Variants in MAGI2 observed in about 807,000 individuals in gnomAD.
MAGI2 encodes the protein membrane associated guanylate kinase, WW and PDZ domain containing 2.
In MAGI2, 35 loss-of-function variants were observed where a neutral mutation model predicts 133.3. That is an observed-to-expected ratio of 0.26 (90% CI 0.20 to 0.35). The LOEUF is 0.35. MAGI2 is among the 10% of genes least tolerant of loss of function. The pLI is 1.00. For synonymous variants in MAGI2, 729 were observed against 710.6 expected (o/e 1.03, Z -0.41); for missense variants, 1,636 against 1,863.4 (o/e 0.88, Z 2.25).
chr7:78,805,711 T>C (rs1199946591), intron 2 of MAGI2, among the ~76,000 whole-genome samples: 3 of 152,146 alleles, frequency 2.0e-5, no homozygotes, highest in Non-Finnish European at 4.4e-5. Context: ...TCATTCACTC[T>C]GGGAAAGCCA....
chr7:78,837,418 T>C (rs1791730929), intron 2 of MAGI2, among the ~76,000 whole-genome samples: 1 of 152,156 alleles, frequency 6.6e-6, no homozygotes, highest in Non-Finnish European at 1.5e-5. Flanking sequence ...GTTAATTAGA[T>C]GTATTGCTTT....
chr7:79,178,434 A>C (rs1218655174), intron 1 of MAGI2, among the ~76,000 whole-genome samples: 1 of 151,930 alleles, frequency 6.6e-6, no homozygotes, highest in African/African-American at 2.4e-5. Flanking sequence ...TAATATTAAG[A>C]ATCATATTTA....
chr7:78,084,336 C>T (rs1816379063), intron 20 of MAGI2, among the ~76,000 whole-genome samples: 1 of 152,200 alleles, frequency 6.6e-6, no homozygotes, highest in South Asian at 2.1e-4. Flanking sequence ...CACTAGACCC[C>T]TCATGGACAG....
At chr7:78,780,822 C>A (rs1284204814) in intron 2 of MAGI2, among the ~76,000 whole-genome samples, 1 of 152,128 alleles carries the variant, frequency 6.6e-6, no homozygotes, top group East Asian at 1.9e-4. Flanking sequence ...TATGGCCCGG[C>A]CTTTCTTATT....
chr7:78,602,396 G>A (rs1445444937), intron 3 of MAGI2, among the ~76,000 whole-genome samples: 9 of 152,146 alleles, frequency 5.9e-5, no homozygotes, highest in Non-Finnish European at 1.0e-4. Flanking sequence ...CTGACCTCAG[G>A]TGATCCACCC....
chr7:79,170,821 A>T (rs1825466410), intron 1 of MAGI2, among the ~76,000 whole-genome samples: 1 of 152,132 alleles, frequency 6.6e-6, no homozygotes, highest in Non-Finnish European at 1.5e-5. Flanking sequence ...TTGATTCTTA[A>T]TTAAAATAAA....
At chr7:78,338,744 C>G (rs17150548) in intron 9 of MAGI2, among the ~76,000 whole-genome samples, 8,124 of 152,222 alleles carry the variant, frequency 0.053, 337 homozygotes, top group African/African-American at 0.1. Context: ...GAATATTTAA[C>G]AAGCATTACA....
chr7:79,148,016 G>A (rs1200590815), intron 1 of MAGI2, among the ~76,000 whole-genome samples: 1 of 152,190 alleles, frequency 6.6e-6, no homozygotes, highest in African/African-American at 2.4e-5. Flanking sequence ...ATGGAATGGA[G>A]GCTTTCTGGA....
intron 5 of MAGI2, among the ~76,000 whole-genome samples, chr7:78,492,272 G>A (rs978244089): frequency 4.6e-5 from 7 of 151,824 alleles, no homozygotes; most frequent in East Asian, 1.9e-4. Context: ...CAGTATTAAC[G>A]GTGTGTCACT....
At chr7:78,293,971 T>C (rs1470503770) in intron 9 of MAGI2, among the ~76,000 whole-genome samples, 2 of 152,082 alleles carry the variant, frequency 1.3e-5, no homozygotes, top group East Asian at 3.9e-4. Flanking sequence ...GAGATACACT[T>C]AATGTAAATG....
chr7:79,136,003 GAGAAAGAAAGAA>G lies in MAGI2; in HGVS notation c.302-128809_302-128798del, dbSNP rs1554375907. ...AGAAAGAAAGAAAGAAAGAAAGAAA[GAGAAAGAAAGAA>G]AGAAAGAAAGAAGGAAAGAAAGAAA... On this transcript the variant is annotated intron_variant, in intron 1 of 21. Coordinates refer to ENST00000354212, the MANE Select transcript of MAGI2 (RefSeq NM_012301.4). Among the ~76,000 whole-genome samples, 167 of 40,888 alleles carry G rather than the reference GAGAAAGAAAGAA, an allele frequency of 4.1e-3. 4 individuals are homozygous for G. Among genetic ancestry groups the G allele is most frequent in the African/African-American group, 0.013 (151 of 11,218 alleles). The allele number at this position is 40,888 out of a possible 152,430, so 26.8% of individuals were successfully genotyped here.
intron 2 of MAGI2, among the ~76,000 whole-genome samples, chr7:78,838,617 C>T (rs1411454989): frequency 1.3e-5 from 2 of 151,812 alleles, no homozygotes; most frequent in South Asian, 2.1e-4. Flanking sequence ...AAACGTTTCA[C>T]TGTCTATATT....
At chr7:79,171,770 A>ATATATATATATATATTTT in intron 1 of MAGI2, among the ~76,000 whole-genome samples, 48 of 31,216 alleles carry the variant, frequency 1.5e-3, no homozygotes, top group Non-Finnish European at 3.9e-3. Flanking sequence ...ATATATATAT[A>ATATATATATATATATTTT]TTTTTTTTTT....
At chr7:79,446,891 G>A (rs1396518324) in intron 1 of MAGI2, among the ~76,000 whole-genome samples, 1 of 152,152 alleles carries the variant, frequency 6.6e-6, no homozygotes, top group Non-Finnish European at 1.5e-5. Context: ...GGCGGAGATT[G>A]CAGTGAGCTG....
chr7:79,073,071 G>A (rs113511879), intron 1 of MAGI2, among the ~76,000 whole-genome samples: 4,511 of 152,164 alleles, frequency 0.03, 84 homozygotes, highest in Middle Eastern at 0.058. Context: ...CAAAGGCTAA[G>A]AGAGATGCTG....
intron 1 of MAGI2, among the ~76,000 whole-genome samples, chr7:79,308,814 T>C (rs566315821): frequency 2.6e-5 from 4 of 152,290 alleles, no homozygotes; most frequent in South Asian, 2.1e-4. Flanking sequence ...TAATCATTTC[T>C]TTTCTTAAGA....
chr7:78,705,523 C>T (rs1818556382), intron 2 of MAGI2, among the ~76,000 whole-genome samples: 1 of 152,122 alleles, frequency 6.6e-6, no homozygotes, highest in Non-Finnish European at 1.5e-5. Flanking sequence ...CAGATAACCA[C>T]TGATTTTCTC....
chr7:78,541,381 T>A (rs1798403367), intron 3 of MAGI2, among the ~76,000 whole-genome samples: 1 of 152,206 alleles, frequency 6.6e-6, no homozygotes, highest in Non-Finnish European at 1.5e-5. Context: ...TTTTGGCTCC[T>A]CAAAAGGAGC....
chr7:78,281,193 A>T (rs1019314867), intron 9 of MAGI2, among the ~76,000 whole-genome samples: 6 of 152,128 alleles, frequency 3.9e-5, no homozygotes, highest in Admixed American at 2.6e-4. Context: ...TTTAATAGGC[A>T]TATTTTGTTG....
Sources: allele counts gnomAD v4.1 joint callset (sites outside exome capture counted in the v4.1 genomes callset), GRCh38; gene constraint gnomAD v4.1.1; transcripts MANE v1.5; gene names NCBI Gene and HGNC (gene_info 2026-07-23, HGNC 2026-07-21).